The following ZDHHC23 variants were observed in gnomAD, a reference collection of about 807,000 sequenced individuals.
ZDHHC23 encodes palmitoyltransferase ZDHHC23.
Under a neutral mutation model 40.2 loss-of-function variants are expected in ZDHHC23, and 41 were observed. That is an observed-to-expected ratio of 1.02 (90% confidence interval 0.79 to 1.32). The LOEUF (loss-of-function observed/expected upper bound fraction) is 1.32. Ranked by LOEUF, ZDHHC23 falls within the 40% of genes most tolerant of loss-of-function variation. The probability of loss-of-function intolerance (pLI) is 0.00; values close to 1 mark genes in which losing one functional copy is unlikely to be tolerated. For missense variants in ZDHHC23, 471 were observed against 541.5 expected (o/e 0.87, Z 1.29); for synonymous variants, 204 against 210.2 (o/e 0.97, Z 0.26).
At chr3:113,971,739 G>A in the ZDHHC23 span, among the ~76,000 whole-genome samples, 3 of 151,962 alleles carry the variant, frequency 2.0e-5, no homozygotes. Context: ...TGAAGAAATT[G>A]AGTAGAATTT....
At chr3:113,972,329 T>C in the ZDHHC23 span, among the ~76,000 whole-genome samples, 1 of 152,170 alleles carries the variant, frequency 6.6e-6, no homozygotes, top group Admixed American at 6.5e-5. Context: ...AATTTCTTCA[T>C]TGACCCATTG....
At chr3:113,957,152 C>T (rs1438065208) in intron 4 of ZDHHC23, among the ~76,000 whole-genome samples, 1 of 152,214 alleles carries the variant, frequency 6.6e-6, no homozygotes, top group Non-Finnish European at 1.5e-5. Flanking sequence ...CCTCAGCGCC[C>T]CCTCCCTGAA....
At chr3:113,963,841 T>G (rs1326475811), downstream of ZDHHC23, among the ~76,000 whole-genome samples, 2 of 152,122 alleles carry the variant, frequency 1.3e-5, no homozygotes, top group African/African-American at 2.4e-5. Context: ...TGTAGTTAGG[T>G]TTAAACTGTT....
chr3:113,959,397 T>C lies in ZDHHC23; in HGVS notation c.*767T>C, dbSNP rs142344278. On this transcript the variant is annotated 3_prime_UTR_variant, in exon 5 of 5. Coordinates refer to ENST00000638807, the MANE Select transcript of ZDHHC23 (RefSeq NM_001320466.2). ...ATAAAGATAATTATTGCTAGTGTAATGTAGTGTGGCCATGAGTTTAGGTGA... is the reference window on the plus strand; with the variant it reads ...ATAAAGATAATTATTGCTAGTGTAACGTAGTGTGGCCATGAGTTTAGGTGA... 8.5e-4 allele frequency: 1,007 copies of C among 1,188,640 alleles called. 7 individuals carry two copies. In the African/African-American group the frequency reaches 0.015, roughly 17 times the overall value. The allele number at this position is 1,188,640 out of a possible 1,614,324, so 73.6% of individuals were successfully genotyped here.
chr3:113,963,796 G>A (rs868700727), downstream of ZDHHC23, among the ~76,000 whole-genome samples: 3 of 151,896 alleles, frequency 2.0e-5, no homozygotes, highest in East Asian at 1.9e-4. Context: ...TTTCATTTCC[G>A]GGTGCTAATA....
chr3:113,964,926 T>C (rs1939958499), downstream of ZDHHC23: 1 of 358,494 alleles, frequency 2.8e-6, no homozygotes, highest in African/African-American at 2.1e-5. Flanking sequence ...ACAGACGATC[T>C]CTAGAATGTT....
rs577246128 is a variant in ZDHHC23 at position 113,953,866 on chromosome 3, T to G, written c.328T>G (p.Phe110Val). The change falls in exon 3 of 5, where the codon TTC becomes GTC. Residue 110 changes from phenylalanine (F) to valine (V), a missense_variant. By Grantham distance (50) the Phe-to-Val change is conservative. Transcript: ENST00000638807. Reference protein sequence around the residue: ...PVFLHVASWHFLLGVVVLTSL... With the variant: ...PVFLHVASWHVLLGVVVLTSL... ...CTTCCTTCATGTGGCTTCCTGGCATTTCCTCCTGGGGGTGGTGGTTTTGAC... is the reference window on the plus strand; with the variant it reads ...CTTCCTTCATGTGGCTTCCTGGCATGTCCTCCTGGGGGTGGTGGTTTTGAC... 1 of 1,614,178 alleles carries G rather than the reference T, an allele frequency of 6.2e-7. No individual in the cohort carries two copies. The highest frequency in any genetic ancestry group is 1.1e-5 in the South Asian group (1 of 91,080).
At position 113,959,294 on chromosome 3, in the gene ZDHHC23, G is replaced by C; in HGVS notation, c.*664G>C. ...AGAATTTCTCCTTCTTATTAGACAT[G>C]AACTACTCAAACAGAGAAGATGACC... On this transcript the variant is annotated 3_prime_UTR_variant, in exon 5 of 5. Coordinates refer to ENST00000638807, the MANE Select transcript of ZDHHC23 (RefSeq NM_001320466.2). The C allele has an allele frequency of 9.1e-7, 1 of 1,095,114 alleles. No individual in the cohort carries two copies. Among genetic ancestry groups the C allele is most frequent in the Non-Finnish European group, 1.1e-6 (1 of 885,626 alleles). The allele number at this position is 1,095,114 out of a possible 1,614,324, so 67.8% of individuals were successfully genotyped here. A position where few individuals can be genotyped will look rare whatever the true frequency, so the allele number is the denominator to read the frequency against.
intron 3 of ZDHHC23, 105 bp downstream of exon 3, chr3:113,954,515 T>C (rs1204441599): frequency 9.4e-7 from 1 of 1,062,544 alleles, no homozygotes; most frequent in African/African-American, 1.6e-5. Flanking sequence ...CCTTCCCAGC[T>C]TTACACCTTG....
rs1938944621 is a variant in ZDHHC23, at chr3:113,954,099, A to G, written c.561A>G (p.Arg187=). ...GLFLILLALH[R]AKKNPGYLSN... ...TTCTGATACTCTTAGCCTTGCACAG[A>G]GCCAAGAAGAATCCAGGCTACCTCA... The change falls in exon 3 of 5, where the codon AGA becomes AGG. Residue 187 remains arginine, a synonymous_variant. Coordinates refer to ENST00000638807, the MANE Select transcript of ZDHHC23 (RefSeq NM_001320466.2). 3.1e-6 allele frequency: 5 copies of G among 1,614,064 alleles called. No individual in the cohort carries two copies. The highest frequency in any genetic ancestry group is 4.2e-6 in the Non-Finnish European group (5 of 1,180,048).
chr3:113,956,495 T>C lies in ZDHHC23; in HGVS notation c.1029T>C (p.Tyr343=), dbSNP rs778349472. The C allele has an allele frequency of 6.2e-7, 1 of 1,612,940 alleles. No homozygotes were observed. Among genetic ancestry groups the C allele is most frequent in the Non-Finnish European group, 8.5e-7 (1 of 1,179,690 alleles). The change falls in exon 4 of 5, where the codon TAT becomes TAC. Residue 343 remains tyrosine, a synonymous_variant. Transcript: ENST00000638807. ...CTCTTTTCTATTGTCCTGGAGTTTA[T>C]GCAAATTACAGGTGAGCAGTGGGTA... ...FTALFYCPGV[Y]ANYSSALSFT...
chr3:113,969,995 CTA>C (rs1378740717), downstream of ZDHHC23, among the ~76,000 whole-genome samples: 1 of 152,076 alleles, frequency 6.6e-6, no homozygotes, highest in Admixed American at 6.5e-5. Context: ...GCATATCTTT[CTA>C]TATGTTTGTG....
chr3:113,956,568 G>A, intron 4 of ZDHHC23, 62 bp downstream of exon 4: 1 of 1,507,982 alleles, frequency 6.6e-7, no homozygotes, highest in East Asian at 2.3e-5. Context: ...GCCATTGACA[G>A]GGACTATTAC....
chr3:113,965,032 T>C, downstream of ZDHHC23: 1 of 512,560 alleles, frequency 2.0e-6, no homozygotes, highest in Non-Finnish European at 3.3e-6. Context: ...AATAATTCCT[T>C]TGATCTAAGA....
downstream of ZDHHC23, among the ~76,000 whole-genome samples, chr3:113,967,170 A>C (rs1188039132): frequency 6.6e-6 from 1 of 152,184 alleles, no homozygotes; most frequent in Non-Finnish European, 1.5e-5. Context: ...GCTTTTATCC[A>C]TTCAGTCCAC....
chr3:113,951,276 T>C (rs1272796359), intron 2 of ZDHHC23, among the ~76,000 whole-genome samples: 1 of 152,120 alleles, frequency 6.6e-6, no homozygotes, highest in Admixed American at 6.5e-5. Flanking sequence ...GTGGGGGCTC[T>C]CTGTGGTGGC....
At chr3:113,950,735 A>G (rs1431280935) in intron 2 of ZDHHC23, among the ~76,000 whole-genome samples, 1 of 152,170 alleles carries the variant, frequency 6.6e-6, no homozygotes, top group Non-Finnish European at 1.5e-5. Context: ...TCTGGTCTGA[A>G]TATCATCATC....
At chr3:113,950,192 TCTTAC>T (rs1329536410) in intron 2 of ZDHHC23, among the ~76,000 whole-genome samples, 1 of 152,242 alleles carries the variant, frequency 6.6e-6, no homozygotes, top group African/African-American at 2.4e-5. Flanking sequence ...TAAGTTCTAG[TCTTAC>T]CTTTAAAAAT....
chr3:113,966,371 GT>G (rs1940169741), downstream of ZDHHC23, among the ~76,000 whole-genome samples: 1 of 152,202 alleles, frequency 6.6e-6, no homozygotes, highest in Non-Finnish European at 1.5e-5. Flanking sequence ...GGGCATCAAG[GT>G]AAGCCAGGTA....
Sources: gnomAD v4.1 joint callset for allele counts (sites outside exome capture counted in the v4.1 genomes callset) on GRCh38, gnomAD v4.1.1 for gene constraint, MANE v1.5 for transcripts, NCBI Gene and HGNC (gene_info 2026-07-23, HGNC 2026-07-21) for gene names.